The following ETV6 variants were observed in gnomAD, a reference collection of about 807,000 sequenced individuals.
The protein encoded by ETV6 is transcription factor ETV6.
ETV6 carries 16 observed loss-of-function variants against 51.1 expected under a neutral mutation model. The observed-to-expected ratio is 0.31, with a 90% confidence interval of 0.21 to 0.48. The LOEUF (loss-of-function observed/expected upper bound fraction) is 0.48, where lower values mean the gene tolerates loss of function less well. Ranked by LOEUF, ETV6 falls within the 20% of genes least tolerant of loss-of-function variation. ETV6 has a pLI of 0.99. For synonymous variants in ETV6, 240 were observed against 224.1 expected (o/e 1.07, Z -0.64); for missense variants, 458 against 594.8 (o/e 0.77, Z 2.39).
chr12:11,800,890 A>C (rs1945738584), intron 2 of ETV6, among the ~76,000 whole-genome samples: 1 of 151,842 alleles, frequency 6.6e-6, no homozygotes, highest in South Asian at 2.1e-4. Flanking sequence ...CAGTCTCAGC[A>C]ACATAGCCAG....
intron 4 of ETV6, among the ~76,000 whole-genome samples, chr12:11,857,680 A>G (rs1946651583): frequency 6.6e-6 from 1 of 152,208 alleles, no homozygotes; most frequent in South Asian, 2.1e-4. Context: ...CTCGACAAAC[A>G]AACTGGGGTG....
At chr12:11,670,056 G>A (rs1864285039) in intron 1 of ETV6, among the ~76,000 whole-genome samples, 1 of 150,810 alleles carries the variant, frequency 6.6e-6, no homozygotes. Context: ...ACCTGGGCTT[G>A]TTCATGTTGT....
chr12:11,870,982 C>T (rs1236850345), intron 5 of ETV6, among the ~76,000 whole-genome samples: 5 of 152,064 alleles, frequency 3.3e-5, no homozygotes, highest in Non-Finnish European at 7.3e-5. Flanking sequence ...GGGGAGAGAG[C>T]CTGATACTGA....
chr12:11,756,660 G>A (rs1438698756), intron 2 of ETV6, among the ~76,000 whole-genome samples: 1 of 152,144 alleles, frequency 6.6e-6, no homozygotes, highest in African/African-American at 2.4e-5. Context: ...TTGTAGTCTC[G>A]CAAGGGAGGG....
rs56777835 is a variant in ETV6 at position 11,849,108 on chromosome 12, G to GTTGTTTGTTTGT, written c.329-4307_329-4296dup. Among the ~76,000 whole-genome samples the GTTGTTTGTTTGT allele has an allele frequency of 1.9e-3, 289 of 151,460 alleles. 1 individual carries two copies. The highest frequency in any genetic ancestry group is 2.7e-3 in the East Asian group (14 of 5,140). On this transcript the variant is annotated intron_variant, in intron 3 of 7. Coordinates refer to ENST00000396373, the MANE Select transcript of ETV6 (RefSeq NM_001987.5). ...TCTTTATCCCAGAGACTGTTTTGGC[G>GTTGTTTGTTTGT]TTGTTTGTTTGTTTGTTTGTTTGAA... is the stretch of plus-strand genomic sequence containing the variant.
chr12:11,740,752 A>G (rs1432457015), intron 1 of ETV6, among the ~76,000 whole-genome samples: 1 of 152,186 alleles, frequency 6.6e-6, no homozygotes, highest in East Asian at 1.9e-4. Context: ...TCTTGAGTAA[A>G]CTACTTTTAC....
intron 1 of ETV6, among the ~76,000 whole-genome samples, chr12:11,653,428 C>T (rs753500982): frequency 1.2e-4 from 18 of 152,242 alleles, no homozygotes; most frequent in Non-Finnish European, 1.6e-4. Context: ...CCCTGCTGTC[C>T]GTATCAGTCA....
chr12:11,779,976 CT>C (rs1167724332), intron 2 of ETV6, among the ~76,000 whole-genome samples: 4 of 152,194 alleles, frequency 2.6e-5, no homozygotes, highest in African/African-American at 9.6e-5. Context: ...GATGACATGA[CT>C]TTTTAAAAGG....
intron 1 of ETV6, among the ~76,000 whole-genome samples, chr12:11,709,170 C>T (rs1211139480): frequency 6.6e-6 from 1 of 152,148 alleles, no homozygotes; most frequent in African/African-American, 2.4e-5. Context: ...CCTATGAACT[C>T]ACCACCCAAC....
Position 11,890,316 on chromosome 12 carries a change from G to C in ETV6, c.1254-625G>C, listed in dbSNP as rs190951062. ...TCATGAGTCTGTAAAATCTAATTCT[G>C]TAAAAGAAAGAACATATATACATGG... On this transcript the variant is annotated intron_variant, in intron 7 of 7. Transcript: ENST00000396373. 7.4e-5 allele frequency among the ~76,000 whole-genome samples: 11 copies of C among 149,108 alleles called. No homozygotes were observed. In the East Asian group the frequency reaches 1.2e-3, roughly 16 times the overall value.
intron 4 of ETV6, among the ~76,000 whole-genome samples, chr12:11,858,610 A>C (rs1252727503): frequency 2.0e-5 from 3 of 152,138 alleles, no homozygotes; most frequent in Non-Finnish European, 4.4e-5. Context: ...TTCTCATCCC[A>C]TCACCCCCTT....
At chr12:11,733,252 C>G (rs926431964) in intron 1 of ETV6, among the ~76,000 whole-genome samples, 1 of 151,778 alleles carries the variant, frequency 6.6e-6, no homozygotes, top group Non-Finnish European at 1.5e-5. Context: ...ACTAAAAATA[C>G]AAAAATTTAG....
chr12:11,658,474 A>G (rs541351625), intron 1 of ETV6, among the ~76,000 whole-genome samples: 1 of 152,248 alleles, frequency 6.6e-6, no homozygotes, highest in East Asian at 1.9e-4. Flanking sequence ...ACTTCAATTG[A>G]TCCTCCTGCC....
At chr12:11,700,498 T>C (rs1172802389) in intron 1 of ETV6, among the ~76,000 whole-genome samples, 1 of 152,212 alleles carries the variant, frequency 6.6e-6, no homozygotes, top group Non-Finnish European at 1.5e-5. Context: ...CTGAGTTATG[T>C]ATATAACTTC....
At position 11,859,118 on chromosome 12, in the gene ETV6, G is replaced by GCTTTTTTTTTTTTTTTTTTTTTTT. The variant is rs1565555150; in HGVS notation, c.463+5557_463+5558insCTTTTTTTTTTTTTTTTTTTTTTT. On this transcript the variant is annotated intron_variant, in intron 4 of 7. Transcript: ENST00000396373. Reference sequence around the variant, plus strand: ...TAAAGAAGATGAGGTATATGAATCTGGTTTTTTTTTTTTTTTTTTTTTTTT... The same window carrying GCTTTTTTTTTTTTTTTTTTTTTTT: ...TAAAGAAGATGAGGTATATGAATCTGCTTTTTTTTTTTTTTTTTTTTTTTGTTTTTTTTTTTTTTTTTTTTTTTT... 2.2e-4 allele frequency among the ~76,000 whole-genome samples: 9 copies of GCTTTTTTTTTTTTTTTTTTTTTTT among 41,794 alleles called. 4 individuals are homozygous for GCTTTTTTTTTTTTTTTTTTTTTTT. Among genetic ancestry groups the GCTTTTTTTTTTTTTTTTTTTTTTT allele is most frequent in the South Asian group, 2.6e-3 (2 of 764 alleles). 27.4% of individuals were successfully genotyped at this position (41,794 alleles called of 152,430 possible).
intron 1 of ETV6, among the ~76,000 whole-genome samples, chr12:11,654,271 A>G (rs941165262): frequency 3.3e-5 from 5 of 152,158 alleles, no homozygotes; most frequent in Non-Finnish European, 5.9e-5. Flanking sequence ...TTTTCTGACA[A>G]TAGAATCAGG....
intron 5 of ETV6, among the ~76,000 whole-genome samples, chr12:11,879,826 C>T (rs1049370837): frequency 6.6e-6 from 1 of 151,748 alleles, no homozygotes; most frequent in Non-Finnish European, 1.5e-5. Flanking sequence ...GAGTGTGTTG[C>T]GCTTTATTAT....
Position 11,884,473 on chromosome 12 carries a change from T to C in ETV6, c.1038T>C (p.Tyr346=). The C allele has an allele frequency of 3.1e-6, 5 of 1,614,216 alleles. No individual in the cohort carries two copies. The highest frequency in any genetic ancestry group is 3.4e-6 in the Non-Finnish European group (4 of 1,180,038). ...GTAGACTGCTTTGGGATTACGTCTATCAGTTGCTTTCTGACAGCCGGTACG... is the reference window on the plus strand; with the variant it reads ...GTAGACTGCTTTGGGATTACGTCTACCAGTTGCTTTCTGACAGCCGGTACG... ...ADCRLLWDYV[Y]QLLSDSRYEN... The change falls in exon 6 of 8, where the codon TAT becomes TAC. Residue 346 remains tyrosine (Y), a synonymous_variant. Coordinates refer to ENST00000396373, the MANE Select transcript of ETV6 (RefSeq NM_001987.5).
intron 1 of ETV6, among the ~76,000 whole-genome samples, chr12:11,701,362 C>A (rs550779927): frequency 6.6e-6 from 1 of 152,086 alleles, no homozygotes; most frequent in African/African-American, 2.4e-5. Context: ...CAGGTCTCTC[C>A]GTAAGTGGAA....
Sources: gnomAD v4.1 joint callset for allele counts (sites outside exome capture counted in the v4.1 genomes callset) on GRCh38, gnomAD v4.1.1 for gene constraint, MANE v1.5 for transcripts, NCBI Gene and HGNC (gene_info 2026-07-23, HGNC 2026-07-21) for gene names.